Variants in EPB41L4B observed in about 807,000 individuals in gnomAD.
EPB41L4B encodes erythrocyte membrane protein band 4.1 like 4B, also known as band 4.1-like protein 4B.
A neutral mutation model predicts 112.5 loss-of-function variants in EPB41L4B; 30 were observed. The ratio of observed to expected loss-of-function variants is 0.27; its 90% CI spans 0.20 to 0.36. EPB41L4B has a LOEUF of 0.36. Among genes scored for constraint, EPB41L4B ranks in the 10% least tolerant of loss-of-function variants. The probability of loss-of-function intolerance (pLI) is 1.00; values close to 1 mark genes in which losing one functional copy is unlikely to be tolerated. For missense variants in EPB41L4B, 1,024 were observed against 1,133.3 expected (o/e 0.90, Z 1.38); for synonymous variants, 408 against 439.7 (o/e 0.93, Z 0.90).
intron 22 of EPB41L4B, among the ~76,000 whole-genome samples, chr9:109,189,476 G>T (rs557381539): frequency 6.6e-6 from 1 of 152,298 alleles, no homozygotes; most frequent in South Asian, 2.1e-4. Flanking sequence ...ATTCTTTAAT[G>T]ATTTTTTGAG....
chr9:109,283,796 T>C (rs1430839329), intron 1 of EPB41L4B, among the ~76,000 whole-genome samples: 1 of 152,108 alleles, frequency 6.6e-6, no homozygotes, highest in Non-Finnish European at 1.5e-5. Context: ...AAGTTGTAAA[T>C]GCACTTAAGG....
At chr9:109,258,150 G>A (rs978369870) in intron 7 of EPB41L4B, 27 bp downstream of exon 7, 3 of 1,600,600 alleles carry the variant, frequency 1.9e-6, no homozygotes, top group Non-Finnish European at 2.6e-6. Context: ...AGATACATCA[G>A]AATGCTAGAC....
At chr9:109,260,860 G>A (rs1310766685) in intron 6 of EPB41L4B, among the ~76,000 whole-genome samples, 2 of 152,162 alleles carry the variant, frequency 1.3e-5, no homozygotes, top group Admixed American at 6.5e-5. Flanking sequence ...TGTTAAGTGT[G>A]GTGAGGGCTT....
chr9:109,196,679 T>C (rs1461109834), intron 20 of EPB41L4B, among the ~76,000 whole-genome samples: 1 of 140,996 alleles, frequency 7.1e-6, no homozygotes, highest in East Asian at 2.1e-4. Context: ...GATCGACCAC[T>C]GCACTCCAGC....
At chr9:109,255,404 A>G in intron 11 of EPB41L4B, 107 bp downstream of exon 11, 1 of 1,354,902 alleles carries the variant, frequency 7.4e-7, no homozygotes, top group Non-Finnish European at 1.0e-6. Flanking sequence ...GGGACACACA[A>G]CCTAAGTTTC....
intron 6 of EPB41L4B, among the ~76,000 whole-genome samples, chr9:109,262,212 C>A (rs1007107314): frequency 1.1e-4 from 17 of 152,108 alleles, no homozygotes; most frequent in Admixed American, 1.0e-3. Flanking sequence ...ATTAATGCTT[C>A]CAGTCTGACC....
At chr9:109,182,639 G>T in intron 24 of EPB41L4B, 90 bp downstream of exon 24, 2 of 913,964 alleles carry the variant, frequency 2.2e-6, no homozygotes, top group Non-Finnish European at 1.8e-6. Context: ...CAAAAGAAGC[G>T]GTTGACCTTG....
chr9:109,284,451 C>T (rs1048807483), intron 1 of EPB41L4B, among the ~76,000 whole-genome samples: 2 of 152,174 alleles, frequency 1.3e-5, no homozygotes, highest in African/African-American at 4.8e-5. Flanking sequence ...CTTGCTCTGT[C>T]GCCCAGGCTG....
chr9:109,241,625 A>T (rs1055538611), intron 15 of EPB41L4B: 4 of 1,611,434 alleles, frequency 2.5e-6, no homozygotes, highest in Non-Finnish European at 3.4e-6. Context: ...ATGCAATGAA[A>T]CTATGAAGGT....
At chr9:109,302,080 A>G (rs1309099416) in intron 1 of EPB41L4B, among the ~76,000 whole-genome samples, 3 of 152,200 alleles carry the variant, frequency 2.0e-5, no homozygotes, top group African/African-American at 7.2e-5. Context: ...ACATCCCCAG[A>G]GAAGCAAGGT....
chr9:109,285,764 C>T (rs915870713), intron 1 of EPB41L4B, among the ~76,000 whole-genome samples: 1 of 152,078 alleles, frequency 6.6e-6, no homozygotes, highest in African/African-American at 2.4e-5. Flanking sequence ...TTGCCTGCAC[C>T]GCCAGCCTGG....
intron 15 of EPB41L4B, chr9:109,240,029 A>C (rs1383502278): frequency 1.0e-6 from 1 of 985,214 alleles, no homozygotes; most frequent in Non-Finnish European, 1.2e-6. Flanking sequence ...ATCTTGCTCC[A>C]CCCACCTAAC....
intron 24 of EPB41L4B, among the ~76,000 whole-genome samples, chr9:109,178,362 G>A (rs1831921715): frequency 6.7e-6 from 1 of 150,202 alleles, no homozygotes; most frequent in Non-Finnish European, 1.5e-5. Context: ...AAGACACTCT[G>A]ATCATCAAAT....
At position 109,193,472 on chromosome 9, in the gene EPB41L4B, G is replaced by T. The variant is rs1832532852; in HGVS notation, c.2223+748C>A. ...AGAAATTGAGGCTCGAAGAAATAAA[G>T]GTTTTGGAAGTGAGTGCTGTGGCTT... is the stretch of plus-strand genomic sequence containing the variant. On this transcript the variant is annotated intron_variant, in intron 21 of 25. Transcript: ENST00000374566. Among the ~76,000 whole-genome samples the T allele has an allele frequency of 2.0e-5, 3 of 152,234 alleles. No individual in the cohort carries two copies. In the South Asian group the frequency reaches 6.2e-4, roughly 32 times the overall value.
intron 20 of EPB41L4B, among the ~76,000 whole-genome samples, chr9:109,199,887 G>A (rs748006239): frequency 5.3e-5 from 8 of 152,092 alleles, no homozygotes; most frequent in East Asian, 1.9e-4. Context: ...AGATGAGACC[G>A]CAGCCCTGAC....
chr9:109,221,698 A>G (rs1833578020), intron 15 of EPB41L4B, among the ~76,000 whole-genome samples: 1 of 152,248 alleles, frequency 6.6e-6, no homozygotes, highest in South Asian at 2.1e-4. Flanking sequence ...GAGGTGGCAA[A>G]TGAGAGCTGC....
Position 109,315,192 on chromosome 9 carries a change from G to T in EPB41L4B, c.306+4949C>A, listed in dbSNP as rs141091074. Among the ~76,000 whole-genome samples, 1,155 of 152,186 alleles carry T rather than the reference G, an allele frequency of 7.6e-3. 9 individuals carry two copies. The highest frequency in any genetic ancestry group is 0.013 in the Non-Finnish European group (872 of 68,018). On this transcript the variant is annotated intron_variant, in intron 1 of 25. Transcript: ENST00000374566. ...CATTGCTACAGCAATGGTATTGCTC[G>T]CCCCATTGCTACAGCAGTTTATAAT...
chr9:109,248,835 TG>T (rs968491460), intron 13 of EPB41L4B, among the ~76,000 whole-genome samples: 1 of 151,656 alleles, frequency 6.6e-6, no homozygotes, highest in African/African-American at 2.4e-5. Flanking sequence ...TGAGGAGGGT[TG>T]ATCACGAGGT....
At chr9:109,205,003 G>C (rs1832948332) in intron 18 of EPB41L4B, among the ~76,000 whole-genome samples, 1 of 152,162 alleles carries the variant, frequency 6.6e-6, no homozygotes, top group Non-Finnish European at 1.5e-5. Context: ...GCATGCTTCT[G>C]TGTTCCTATG....
Sources: gnomAD v4.1 joint callset for allele counts (sites outside exome capture counted in the v4.1 genomes callset) on GRCh38, gnomAD v4.1.1 for gene constraint, MANE v1.5 for transcripts, NCBI Gene and HGNC (gene_info 2026-07-23, HGNC 2026-07-21) for gene names.